The following CADPS variants were observed in gnomAD, a reference collection of about 807,000 sequenced individuals.
CADPS encodes the protein calcium dependent secretion activator, also known as calcium-dependent secretion activator 1.
A neutral mutation model predicts 167.3 loss-of-function variants in CADPS; 57 were observed. That is an observed-to-expected ratio of 0.34 (90% CI 0.28 to 0.42). CADPS has a LOEUF of 0.42. CADPS is among the 20% of genes least tolerant of loss of function. The pLI is 1.00. For synonymous variants in CADPS, 676 were observed against 635.3 expected (o/e 1.06, Z -0.96); for missense variants, 1,414 against 1,738.1 (o/e 0.81, Z 3.32).
chr3:62,832,364 A>C (rs183504171), intron 1 of CADPS, among the ~76,000 whole-genome samples: 2 of 152,326 alleles, frequency 1.3e-5, no homozygotes, highest in Non-Finnish European at 2.9e-5. Context: ...AGGAATAGAG[A>C]GCTTAAAGGG....
intron 28 of CADPS, among the ~76,000 whole-genome samples, chr3:62,419,455 T>C (rs1277352263): frequency 6.6e-6 from 1 of 152,232 alleles, no homozygotes; most frequent in Non-Finnish European, 1.5e-5. Context: ...AGTTACAATC[T>C]GAATTTGCAC....
chr3:62,858,565 G>T (rs2080146036), intron 1 of CADPS, among the ~76,000 whole-genome samples: 2 of 152,116 alleles, frequency 1.3e-5, no homozygotes, highest in African/African-American at 4.8e-5. Flanking sequence ...TTACAAGTCT[G>T]TTTGGAATTG....
At chr3:62,609,545 A>C (rs1317812056) in intron 6 of CADPS, among the ~76,000 whole-genome samples, 1 of 152,158 alleles carries the variant, frequency 6.6e-6, no homozygotes, top group African/African-American at 2.4e-5. Context: ...GCCTCATTTG[A>C]GTCTTGGTTT....
At chr3:62,736,536 C>T (rs977568912) in intron 3 of CADPS, among the ~76,000 whole-genome samples, 2 of 152,146 alleles carry the variant, frequency 1.3e-5, no homozygotes, top group African/African-American at 2.4e-5. Flanking sequence ...CATAAACATT[C>T]TTGACCCATA....
At chr3:62,728,897 T>C (rs2077231372) in intron 3 of CADPS, among the ~76,000 whole-genome samples, 1 of 151,876 alleles carries the variant, frequency 6.6e-6, no homozygotes, top group African/African-American at 2.4e-5. Context: ...CTGCTTGCAA[T>C]TTGGAATGAA....
chr3:62,653,044 A>G (rs944943578), intron 4 of CADPS, among the ~76,000 whole-genome samples: 100 of 152,132 alleles, frequency 6.6e-4, no homozygotes, highest in Admixed American at 3.9e-4. Flanking sequence ...ATCTCCCTGC[A>G]TAACTAACAG....
intron 1 of CADPS, among the ~76,000 whole-genome samples, chr3:62,852,083 T>C (rs1449674303): frequency 1.4e-5 from 2 of 148,120 alleles, no homozygotes; most frequent in Admixed American, 1.4e-4. Context: ...CTGAGGCTTC[T>C]GCATTCTTCA....
intron 6 of CADPS, among the ~76,000 whole-genome samples, chr3:62,637,328 A>T (rs1217680508): frequency 1.3e-5 from 2 of 152,192 alleles, no homozygotes; most frequent in Non-Finnish European, 2.9e-5. Context: ...CAGCTAGTTC[A>T]GTGCCTGGTA....
At chr3:62,436,497 G>A (rs1254651040) in intron 28 of CADPS, among the ~76,000 whole-genome samples, 6 of 152,266 alleles carry the variant, frequency 3.9e-5, no homozygotes, top group South Asian at 2.1e-4. Context: ...CTGCAGACCC[G>A]AGGGTCCTGC....
At chr3:62,522,552 C>T (rs999824288) in intron 13 of CADPS, among the ~76,000 whole-genome samples, 8 of 152,214 alleles carry the variant, frequency 5.3e-5, no homozygotes, top group South Asian at 2.1e-4. Context: ...TTCCTTTCCC[C>T]GTCTTTGAGG....
chr3:62,632,689 T>C (rs373247219), intron 6 of CADPS, among the ~76,000 whole-genome samples: 27 of 152,170 alleles, frequency 1.8e-4, no homozygotes, highest in East Asian at 9.7e-4. Flanking sequence ...CCTCCCTACC[T>C]AGCAGCAAGC....
At chr3:62,833,422 T>A (rs1403271075) in intron 1 of CADPS, among the ~76,000 whole-genome samples, 1 of 151,744 alleles carries the variant, frequency 6.6e-6, no homozygotes, top group East Asian at 2.0e-4. Flanking sequence ...CCCAAAGTGC[T>A]AGGATTACAG....
intron 1 of CADPS, among the ~76,000 whole-genome samples, chr3:62,801,720 T>C (rs2093774285): frequency 6.6e-6 from 1 of 152,116 alleles, no homozygotes. Context: ...TAAATTGACC[T>C]GTGAAGCAGG....
chr3:62,858,079 T>A (rs987467933), intron 1 of CADPS, among the ~76,000 whole-genome samples: 1 of 152,062 alleles, frequency 6.6e-6, no homozygotes, highest in East Asian at 1.9e-4. Context: ...CAGCAGGAGG[T>A]CAACAAATTT....
chr3:62,605,777 C>A (rs547878653), intron 6 of CADPS, among the ~76,000 whole-genome samples: 161 of 152,306 alleles, frequency 1.1e-3, no homozygotes, highest in Non-Finnish European at 1.7e-3. Context: ...CTCAATAAAT[C>A]CTAAAAGTGT....
chr3:62,527,679 G>A (rs898963814), intron 13 of CADPS, among the ~76,000 whole-genome samples: 15 of 152,192 alleles, frequency 9.9e-5, no homozygotes, highest in African/African-American at 2.4e-4. Flanking sequence ...TCACTGCCAC[G>A]TCAGTGGTCA....
intron 1 of CADPS, among the ~76,000 whole-genome samples, chr3:62,870,104 T>C (rs2082352025): frequency 1.3e-5 from 2 of 152,266 alleles, no homozygotes; most frequent in South Asian, 4.1e-4. Flanking sequence ...TATCAGTGCA[T>C]AACAGCGGCT....
At chr3:62,650,784 C>T in intron 5 of CADPS, 63 bp downstream of exon 5, 1 of 1,183,582 alleles carries the variant, frequency 8.4e-7, no homozygotes, top group Non-Finnish European at 1.2e-6. Flanking sequence ...GATTGTGACG[C>T]ATCTAATCGC....
intron 26 of CADPS, among the ~76,000 whole-genome samples, chr3:62,461,160 A>G (rs981924626): frequency 1.1e-4 from 16 of 152,210 alleles, no homozygotes; most frequent in African/African-American, 3.6e-4. Flanking sequence ...TGTTGTTGGA[A>G]TGGGATTGTT....
Sources: allele counts gnomAD v4.1 joint callset (sites outside exome capture counted in the v4.1 genomes callset), GRCh38; gene constraint gnomAD v4.1.1; transcripts MANE v1.5; gene names NCBI Gene and HGNC (gene_info 2026-07-23, HGNC 2026-07-21).